Variants in COG5 observed in about 807,000 individuals in gnomAD.
COG5 encodes the protein component of oligomeric golgi complex 5.
COG5 carries 86 observed loss-of-function variants against 110.4 expected under a neutral mutation model. The observed-to-expected ratio is 0.78, with a 90% CI of 0.65 to 0.93. COG5 has a LOEUF of 0.93. Among genes scored for constraint, COG5 ranks in the 40% least tolerant of loss-of-function variants. The pLI, the probability that COG5 is intolerant of heterozygous loss-of-function variation, is 0.00. For synonymous variants in COG5, 360 were observed against 334.6 expected (o/e 1.08, Z -0.83); for missense variants, 1,077 against 987.0 (o/e 1.09, Z -1.22).
chr7:107,236,394 A>T, intron 18 of COG5, 56 bp downstream of exon 18: 1 of 1,216,744 alleles, frequency 8.2e-7, no homozygotes, highest in Non-Finnish European at 1.2e-6. Context: ...TCTTTCATTT[A>T]ATAGATGATA....
At chr7:107,391,198 G>A (rs192093663) in intron 7 of COG5, among the ~76,000 whole-genome samples, 4 of 152,210 alleles carry the variant, frequency 2.6e-5, no homozygotes, top group Admixed American at 6.5e-5. Flanking sequence ...GAAGGCCAGC[G>A]AGTACAGCCC....
At chr7:107,270,790 T>C (rs996223126) in intron 14 of COG5, among the ~76,000 whole-genome samples, 1 of 152,040 alleles carries the variant, frequency 6.6e-6, no homozygotes, top group African/African-American at 2.4e-5. Flanking sequence ...TTGAATATAC[T>C]GTGACTGTAT....
chr7:107,311,590 T>G (rs565165117), intron 11 of COG5, among the ~76,000 whole-genome samples: 42 of 150,714 alleles, frequency 2.8e-4, no homozygotes, highest in Non-Finnish European at 4.7e-4. Context: ...AGACGGGGTT[T>G]CACCTTGTTA....
At chr7:107,527,497 T>C in intron 5 of COG5, 140 bp from the exon 6 acceptor site, 4 of 849,106 alleles carry the variant, frequency 4.7e-6, no homozygotes, top group South Asian at 3.0e-5. Flanking sequence ...AACCTGCACA[T>C]GTATCCCGGA....
intron 7 of COG5, among the ~76,000 whole-genome samples, chr7:107,396,671 T>A (rs925977753): frequency 6.6e-6 from 1 of 152,034 alleles, no homozygotes; most frequent in Admixed American, 6.6e-5. Context: ...ATGATCAATA[T>A]GGAGAAGAAG....
At chr7:107,462,443 G>A (rs988219299) in intron 6 of COG5, among the ~76,000 whole-genome samples, 5 of 152,142 alleles carry the variant, frequency 3.3e-5, no homozygotes, top group South Asian at 2.1e-4. Context: ...AGGGAAGCAT[G>A]AAGCCACTGA....
At chr7:107,392,126 C>T (rs531078804) in intron 7 of COG5, among the ~76,000 whole-genome samples, 26 of 152,224 alleles carry the variant, frequency 1.7e-4, no homozygotes, top group Admixed American at 8.5e-4. Context: ...TCAGCAATAC[C>T]ACGTTGATCA....
chr7:107,218,111 A>G (rs1584533088), intron 19 of COG5, among the ~76,000 whole-genome samples: 1 of 152,216 alleles, frequency 6.6e-6, no homozygotes, highest in Non-Finnish European at 1.5e-5. Context: ...AATGTAAAAT[A>G]CTTAGGAATA....
chr7:107,324,485 A>G lies in COG5; in HGVS notation c.1063T>C (p.Ser355Pro). Residue 355 changes from serine to proline, a missense_variant, in exon 11 of 22, where the codon TCA (serine) becomes CCA (proline). Coordinates refer to ENST00000297135, the MANE Select transcript of COG5 (RefSeq NM_006348.5). Reference sequence around the variant, plus strand: ...TGAGAAGAAAGTGCCTGAGTAACTGAATTCCAAAATGTGTAGAAAATTTCC... The same window carrying G: ...TGAGAAGAAAGTGCCTGAGTAACTGGATTCCAAAATGTGTAGAAAATTTCC... Reference protein sequence around the residue: ...QPEIFYTFWNSVTQALSSQFH... With the variant: ...QPEIFYTFWNPVTQALSSQFH... 1 of 1,606,624 alleles carries G rather than the reference A, an allele frequency of 6.2e-7. No homozygotes were observed. Among genetic ancestry groups the G allele is most frequent in the East Asian group, 2.2e-5 (1 of 44,640 alleles).
chr7:107,446,359 C>A (rs1202592257), intron 6 of COG5, among the ~76,000 whole-genome samples: 7 of 152,088 alleles, frequency 4.6e-5, no homozygotes, highest in African/African-American at 1.7e-4. Context: ...CACTGCAGAC[C>A]TGGGATTATA....
chr7:107,347,742 T>G (rs989934803), intron 10 of COG5, among the ~76,000 whole-genome samples: 1 of 152,146 alleles, frequency 6.6e-6, no homozygotes, highest in African/African-American at 2.4e-5. Context: ...TTAAAAAAAT[T>G]TTAACATGTA....
intron 5 of COG5, among the ~76,000 whole-genome samples, chr7:107,527,793 G>T (rs1800880907): frequency 6.6e-6 from 1 of 152,198 alleles, no homozygotes; most frequent in Non-Finnish European, 1.5e-5. Context: ...TTCTTCTCTA[G>T]GCCAGTGGTT....
rs529140419 is a variant in COG5, at chr7:107,357,671, TTC to T, written c.1026+4360_1026+4361del. Among the ~76,000 whole-genome samples, 654 of 152,220 alleles carry T rather than the reference TTC, an allele frequency of 4.3e-3. 6 individuals are homozygous for T. Among genetic ancestry groups the T allele is most frequent in the African/African-American group, 0.015 (624 of 41,548 alleles). ...GCATTTTCTTTCTCTCTTTCTCTCC[TTC>T]TCTCTCTTTCTTCCTGAAAGGGTCT... On this transcript the variant is annotated intron_variant, in intron 10 of 21. Coordinates refer to ENST00000297135, the MANE Select transcript of COG5 (RefSeq NM_006348.5).
At chr7:107,548,363 C>T (rs765900584) in intron 3 of COG5, 31 bp from the exon 4 acceptor site, 1 of 1,600,076 alleles carries the variant, frequency 6.2e-7, no homozygotes, top group South Asian at 1.1e-5. Context: ...ATTGGCTTTA[C>T]AAATTTACAG....
At chr7:107,525,893 C>A (rs955193968) in intron 6 of COG5, among the ~76,000 whole-genome samples, 3 of 152,078 alleles carry the variant, frequency 2.0e-5, no homozygotes, top group Non-Finnish European at 4.4e-5. Context: ...CTTAAAAGTT[C>A]AACTTTTTAT....
At chr7:107,227,374 G>A (rs1800421594) in intron 19 of COG5, among the ~76,000 whole-genome samples, 1 of 151,840 alleles carries the variant, frequency 6.6e-6, no homozygotes, top group Non-Finnish European at 1.5e-5. Flanking sequence ...ATGGTCAAAA[G>A]TTTGAAAACT....
At chr7:107,561,148 G>A (rs940623506) in intron 1 of COG5, among the ~76,000 whole-genome samples, 6 of 152,202 alleles carry the variant, frequency 3.9e-5, no homozygotes, top group African/African-American at 9.7e-5. Context: ...GCATTTGAGG[G>A]CTGACAGCCT....
chr7:107,206,410 G>C (rs772994356), intron 21 of COG5, among the ~76,000 whole-genome samples: 3 of 152,162 alleles, frequency 2.0e-5, no homozygotes, highest in Non-Finnish European at 4.4e-5. Context: ...AGTTAAACCA[G>C]AGCTGACCCT....
chr7:107,563,807 C>T lies in COG5; in HGVS notation c.90G>A (p.Gln30=), dbSNP rs1468594597. 1 of 1,613,896 alleles carries T rather than the reference C, an allele frequency of 6.2e-7. No individual in the cohort carries two copies. The highest frequency in any genetic ancestry group is 1.1e-5 in the South Asian group (1 of 91,064). ...AAAATVRELL[Q]DGCYSDFLNE... is the part of the protein sequence containing the mutation. Reference sequence around the variant, plus strand: ...GGTCAGACCCCGTCTCCTTACCGTCCTGCAGAAGTTCCCGGACTGTAGCTG... The same window carrying T: ...GGTCAGACCCCGTCTCCTTACCGTCTTGCAGAAGTTCCCGGACTGTAGCTG... The change falls in exon 1 of 22, where the codon CAG becomes CAA. Residue 30 remains glutamine (Q), a synonymous_variant. Transcript: ENST00000297135.
Sources: allele counts gnomAD v4.1 joint callset (sites outside exome capture counted in the v4.1 genomes callset), GRCh38; gene constraint gnomAD v4.1.1; transcripts MANE v1.5; gene names NCBI Gene and HGNC (gene_info 2026-07-23, HGNC 2026-07-21).